Variants in CAST observed in about 807,000 individuals in gnomAD.
CAST encodes calpastatin.
A neutral mutation model predicts 119.6 loss-of-function variants in CAST; 76 were observed. The observed-to-expected ratio is 0.64, with a 90% CI of 0.53 to 0.77. The LOEUF (loss-of-function observed/expected upper bound fraction) is 0.77. Among genes scored for constraint, CAST ranks in the 30% least tolerant of loss-of-function variants. The probability of loss-of-function intolerance (pLI) is 0.00; values close to 1 mark genes in which losing one functional copy is unlikely to be tolerated. For synonymous variants in CAST, 319 were observed against 331.6 expected (o/e 0.96, Z 0.41); for missense variants, 953 against 946.5 (o/e 1.01, Z -0.09).
At chr5:96,135,774 T>A in the CAST span, among the ~76,000 whole-genome samples, 1 of 152,082 alleles carries the variant, frequency 6.6e-6, no homozygotes, top group African/African-American at 2.4e-5. Context: ...AATGTGTATA[T>A]GAGGCCAGGC....
the CAST span, among the ~76,000 whole-genome samples, chr5:96,089,001 A>G: frequency 2.0e-5 from 3 of 151,156 alleles, no homozygotes; most frequent in African/African-American, 7.3e-5. Context: ...CTTTGTCAGC[A>G]TCATCTAATT....
chr5:96,548,969 T>A lies in CAST; in HGVS notation c.60+19089T>A, dbSNP rs1178860791. Among the ~76,000 whole-genome samples the A allele has an allele frequency of 2.0e-5, 3 of 152,188 alleles. 1 individual carries two copies. Among genetic ancestry groups the A allele is most frequent in the African/African-American group, 7.2e-5 (3 of 41,452 alleles). On this transcript the variant is annotated intron_variant, in intron 1 of 11. Coordinates refer to the CAST transcript ENST00000505143. ...TGGCAAGCCTGAAGGTGAGCATCAC[T>A]GGGTGACCCACATGCTACTGGCCAC...
the CAST span, among the ~76,000 whole-genome samples, chr5:96,006,949 C>T: frequency 6.6e-6 from 1 of 152,292 alleles, no homozygotes; most frequent in African/African-American, 2.4e-5. Context: ...AATATCTAAG[C>T]TTTAAAAATG....
chr5:96,617,328 A>G (rs998638241), intron 1 of CAST, among the ~76,000 whole-genome samples: 9 of 152,184 alleles, frequency 5.9e-5, no homozygotes, highest in African/African-American at 1.7e-4. Context: ...ACCCCCAACA[A>G]AAATGGCGAT....
At chr5:96,474,567 C>T in the CAST span, among the ~76,000 whole-genome samples, 3 of 152,262 alleles carry the variant, frequency 2.0e-5, no homozygotes, top group South Asian at 4.1e-4. Flanking sequence ...AAACATGGGA[C>T]GAGGCCTCAG....
chr5:96,314,564 A>T, the CAST span, among the ~76,000 whole-genome samples: 1 of 152,124 alleles, frequency 6.6e-6, no homozygotes, highest in Non-Finnish European at 1.5e-5. Flanking sequence ...CATTTGTACA[A>T]GTTTGTTTAT....
At chr5:96,444,303 A>C in the CAST span, among the ~76,000 whole-genome samples, 1 of 152,222 alleles carries the variant, frequency 6.6e-6, no homozygotes, top group Non-Finnish European at 1.5e-5. Flanking sequence ...TTGGTGATGG[A>C]AGTAAGACTC....
At chr5:96,077,367 A>G in the CAST span, among the ~76,000 whole-genome samples, 3 of 152,084 alleles carry the variant, frequency 2.0e-5, no homozygotes, top group African/African-American at 4.8e-5. Context: ...CTGCAATTTT[A>G]TGTATATTTG....
the CAST span, among the ~76,000 whole-genome samples, chr5:96,057,652 C>A: frequency 1.8e-4 from 27 of 152,264 alleles, no homozygotes; most frequent in East Asian, 5.2e-3. Flanking sequence ...TATGGCAAAA[C>A]CATGACATCT....
At chr5:96,322,688 A>G in the CAST span, among the ~76,000 whole-genome samples, 2 of 152,158 alleles carry the variant, frequency 1.3e-5, no homozygotes, top group Admixed American at 1.3e-4. Context: ...AAACTTTGAA[A>G]GAGACCCCAT....
At chr5:96,643,545 C>T (rs1399807427) in intron 1 of CAST, among the ~76,000 whole-genome samples, 1 of 151,950 alleles carries the variant, frequency 6.6e-6, no homozygotes, top group East Asian at 1.9e-4. Context: ...CGAGACCAGT[C>T]TGACCAACAT....
At chr5:96,345,543 A>T in the CAST span, among the ~76,000 whole-genome samples, 2 of 152,224 alleles carry the variant, frequency 1.3e-5, no homozygotes, top group Non-Finnish European at 2.9e-5. Flanking sequence ...ACACTATATT[A>T]TTCCCATAAT....
the CAST span, among the ~76,000 whole-genome samples, chr5:96,459,721 C>T: frequency 6.6e-6 from 1 of 152,148 alleles, no homozygotes; most frequent in Non-Finnish European, 1.5e-5. Context: ...ATATAGGAAA[C>T]ACCTGCTTTT....
upstream of CAST, among the ~76,000 whole-genome samples, chr5:96,661,688 C>T (rs756309667): frequency 6.6e-6 from 1 of 152,198 alleles, no homozygotes; most frequent in Non-Finnish European, 1.5e-5. Context: ...AGCAATCTAG[C>T]TTCAGAAACA....
chr5:96,108,991 G>A, the CAST span, among the ~76,000 whole-genome samples: 2 of 152,244 alleles, frequency 1.3e-5, no homozygotes, highest in African/African-American at 4.8e-5. Flanking sequence ...GATTTTCCAG[G>A]TGCCGTCTGT....
chr5:96,348,539 A>G, the CAST span, among the ~76,000 whole-genome samples: 5 of 152,118 alleles, frequency 3.3e-5, no homozygotes, highest in Non-Finnish European at 7.4e-5. Flanking sequence ...GGTGGAGAAA[A>G]TGATAGTTTT....
chr5:96,170,092 C>T, the CAST span, among the ~76,000 whole-genome samples: 12 of 152,136 alleles, frequency 7.9e-5, no homozygotes, highest in Admixed American at 4.6e-4. Flanking sequence ...GAGAGTTACC[C>T]AAAGCTTGGC....
At chr5:96,138,646 A>G in the CAST span, among the ~76,000 whole-genome samples, 2 of 151,990 alleles carry the variant, frequency 1.3e-5, no homozygotes, top group Non-Finnish European at 2.9e-5. Context: ...TATTTCTTTC[A>G]TCAGAATTTC....
chr5:96,016,413 T>C, the CAST span, among the ~76,000 whole-genome samples: 432 of 152,330 alleles, frequency 2.8e-3, 3 homozygotes, highest in African/African-American at 9.8e-3. Flanking sequence ...ATGTTTATCA[T>C]ACCCTGCCTT....
Sources: allele counts gnomAD v4.1 joint callset (sites outside exome capture counted in the v4.1 genomes callset), GRCh38; gene constraint gnomAD v4.1.1; transcripts MANE v1.5; gene names NCBI Gene and HGNC (gene_info 2026-07-23, HGNC 2026-07-21).